SYT7: variants seen among roughly 807,000 people sequenced by gnomAD.
SYT7 encodes the protein synaptotagmin-7.
Under a neutral mutation model 75.1 loss-of-function variants are expected in SYT7, and 29 were observed. The observed-to-expected ratio is 0.39, with a 90% CI of 0.29 to 0.53. SYT7 has a LOEUF of 0.53. Ranked by LOEUF, SYT7 falls within the 20% of genes least tolerant of loss-of-function variation. SYT7 has a pLI of 0.77. For missense variants in SYT7, 693 were observed against 953.2 expected (o/e 0.73, Z 3.59); for synonymous variants, 376 against 401.7 (o/e 0.94, Z 0.76).
At position 61,520,126 on chromosome 11, in the gene SYT7, G is replaced by A. The variant is rs149016549; in HGVS notation, c.1957-1395C>T. ...AAACTGGTCTCACACTCCTGACCTC[G>A]TGATCTGCCCGCCTTGGCCTCCCAA... On this transcript the variant is annotated intron_variant, in intron 12 of 12. Transcript: ENST00000539008. 9.1e-5 allele frequency among the ~76,000 whole-genome samples: 13 copies of A among 143,544 alleles called. No homozygotes were observed. In the East Asian group the frequency reaches 9.7e-4, roughly 11 times the overall value. 94.2% of individuals were successfully genotyped at this position (143,544 alleles called of 152,430 possible).
chr11:61,547,237 T>C lies in SYT7; in HGVS notation c.287A>G (p.Lys96Arg), dbSNP rs1349680690. ...VQQKWSSYPP[K>R]EFILNISPYA... ...GGGTGAAATGTTTAGAATAAACTCCTTGGGAGGGTAGGAGCTCCATTTCTG... is the reference window on the plus strand; with the variant it reads ...GGGTGAAATGTTTAGAATAAACTCCCTGGGAGGGTAGGAGCTCCATTTCTG... Residue 96 changes from lysine to arginine, a missense_variant, in exon 4 of 13, where the codon AAG (lysine) becomes AGG (arginine). Lys to Arg is a conservative substitution (Grantham distance 26). This residue lies in a region of SYT7 where 487 missense variants were observed against 593.2 expected (regional missense o/e 0.82). Coordinates refer to ENST00000539008, the MANE Select transcript of SYT7 (RefSeq NM_001365809.2). 2 of 1,535,726 alleles carry C rather than the reference T, an allele frequency of 1.3e-6. No homozygotes were observed. The highest frequency in any genetic ancestry group is 1.4e-5 in the African/African-American group (1 of 73,020).
chr11:61,539,303 C>A (rs148763379), intron 6 of SYT7, among the ~76,000 whole-genome samples: 1 of 152,082 alleles, frequency 6.6e-6, no homozygotes, highest in Non-Finnish European at 1.5e-5. Flanking sequence ...GGTGTGACAC[C>A]TTTAGTAGGG....
At chr11:61,586,233 C>T in the SYT7 span, among the ~76,000 whole-genome samples, 1 of 152,240 alleles carries the variant, frequency 6.6e-6, no homozygotes, top group African/African-American at 2.4e-5. Flanking sequence ...GGCTCAGCCC[C>T]TCAAATCCCT....
At chr11:61,545,839 T>C (rs189135755) in intron 5 of SYT7, among the ~76,000 whole-genome samples, 192 bp downstream of exon 5, 200 of 152,282 alleles carry the variant, frequency 1.3e-3, no homozygotes, top group African/African-American at 4.6e-3. Flanking sequence ...CTGAAATGCA[T>C]CACTGTATGG....
At chr11:61,529,914 C>T (rs777861998) in intron 8 of SYT7, among the ~76,000 whole-genome samples, 16 of 152,318 alleles carry the variant, frequency 1.1e-4, no homozygotes, top group South Asian at 1.0e-3. Flanking sequence ...AGATTACAGG[C>T]ATGAGCCACA....
At chr11:61,581,235 C>G (rs1297236699), upstream of SYT7, 1 of 146,764 alleles carries the variant, frequency 6.8e-6, no homozygotes, top group Non-Finnish European at 1.5e-5. Context: ...CCGCACTGCA[C>G]CCGCGCCCGC....
chr11:61,581,324 C>T (rs957511816), upstream of SYT7, among the ~76,000 whole-genome samples: 2 of 150,334 alleles, frequency 1.3e-5, no homozygotes, highest in African/African-American at 4.9e-5. Flanking sequence ...GGAGGGCCGC[C>T]GAGCCCCACG....
chr11:61,585,562 G>A (rs971447152), upstream of SYT7, among the ~76,000 whole-genome samples: 1 of 152,156 alleles, frequency 6.6e-6, no homozygotes, highest in Non-Finnish European at 1.5e-5. Flanking sequence ...GTCTGGAGAA[G>A]ATAAAAGTAT....
chr11:61,530,951 C>T, intron 8 of SYT7: 1 of 985,434 alleles, frequency 1.0e-6, no homozygotes, highest in Non-Finnish European at 1.2e-6. Flanking sequence ...AAGCAGCAAG[C>T]CACCCCTATA....
At chr11:61,536,955 A>G (rs2062886910) in intron 7 of SYT7, among the ~76,000 whole-genome samples, 1 of 152,214 alleles carries the variant, frequency 6.6e-6, no homozygotes, top group African/African-American at 2.4e-5. Context: ...CCTCATGAAA[A>G]GCTTAGCATA....
intron 7 of SYT7, among the ~76,000 whole-genome samples, chr11:61,537,127 C>T (rs895782555): frequency 2.0e-5 from 3 of 152,188 alleles, no homozygotes; most frequent in African/African-American, 7.2e-5. Flanking sequence ...GCTGCCAGGC[C>T]CCATGCTCCC....
In SYT7 at chr11:61,542,104, G is replaced by T; in HGVS notation, c.941+107C>A. On this transcript the variant is annotated intron_variant, in intron 6 of 12. Coordinates refer to ENST00000539008, the MANE Select transcript of SYT7 (RefSeq NM_001365809.2). The surrounding 1 kb of genome is among the most constrained non-coding windows in gnomAD (Gnocchi z 7.8). ...AGTCTGCTTGGCACCCTGCCAAGGG[G>T]ATGGAGGGCCGGGAGGTACACACAA... The T allele has an allele frequency of 7.1e-7, 1 of 1,403,572 alleles. No homozygotes were observed. Among genetic ancestry groups the T allele is most frequent in the Admixed American group, 2.5e-5 (1 of 39,450 alleles). 86.9% of individuals were successfully genotyped at this position (1,403,572 alleles called of 1,614,324 possible).
At chr11:61,527,211 G>A (rs549120445) in intron 9 of SYT7, among the ~76,000 whole-genome samples, 37 of 152,190 alleles carry the variant, frequency 2.4e-4, no homozygotes, top group African/African-American at 8.9e-4. Context: ...CGTCCCATGC[G>A]GGGGAGGGGG....
intron 1 of SYT7, among the ~76,000 whole-genome samples, chr11:61,558,531 CACACATAT>C (rs2063560603): frequency 6.7e-6 from 1 of 149,504 alleles, no homozygotes; most frequent in African/African-American, 2.6e-5. Context: ...CACACACACA[CACACATAT>C]ATATATAAAT....
Position 61,523,361 on chromosome 11 carries a change from G to T in SYT7, c.1757-87C>A. 1 of 1,321,430 alleles carries T rather than the reference G, an allele frequency of 7.6e-7. No individual in the cohort carries two copies. The highest frequency in any genetic ancestry group is 1.1e-6 in the Non-Finnish European group (1 of 923,664). The allele number at this position is 1,321,430 out of a possible 1,614,324, so 81.9% of individuals were successfully genotyped here. A position where few individuals can be genotyped will look rare whatever the true frequency, so the allele number is the denominator to read the frequency against. On this transcript the variant is annotated intron_variant, in intron 11 of 12. Coordinates refer to ENST00000539008, the MANE Select transcript of SYT7 (RefSeq NM_001365809.2). This position sits in a 1 kb window ranked among gnomAD's most constrained non-coding sequence, Gnocchi z 5.0. Reference sequence around the variant, plus strand: ...TTCCCCTTCCAGGAATGGAAGCTGAGGCAGGAGGGCCGTGTGCTTTCCCCA... The same window carrying T: ...TTCCCCTTCCAGGAATGGAAGCTGATGCAGGAGGGCCGTGTGCTTTCCCCA...
At chr11:61,585,180 G>C (rs79642799), upstream of SYT7, among the ~76,000 whole-genome samples, 1 of 152,178 alleles carries the variant, frequency 6.6e-6, no homozygotes, top group Non-Finnish European at 1.5e-5. Flanking sequence ...AGGAGGCAGG[G>C]CTCCTGAGTT....
rs146563315 is a variant in SYT7 at position 61,542,439 on chromosome 11, C to A, written c.713G>T (p.Arg238Leu). The part of the protein sequence containing the change: ...QQPLSQHQRG[R>L]QPSQPTTSQS... ...GCTGGTGGTGGGCTGGCTGGGCTGC[C>A]GGCCCCGCTGGTGCTGGCTCAGCGG... Residue 238 changes from arginine (R) to leucine (L), a missense_variant, in exon 6 of 13, where the codon CGG (arginine) becomes CTG (leucine). By Grantham distance (102) the Arg-to-Leu change is moderately radical. Coordinates refer to ENST00000539008, the MANE Select transcript of SYT7 (RefSeq NM_001365809.2). This position sits in a 1 kb window ranked among gnomAD's most constrained non-coding sequence, Gnocchi z 7.8. 8 of 1,532,588 alleles carry A rather than the reference C, an allele frequency of 5.2e-6. No homozygotes were observed. In the Admixed American group the frequency reaches 1.6e-4, roughly 30 times the overall value. 94.9% of individuals were successfully genotyped at this position (1,532,588 alleles called of 1,614,324 possible). A position where few individuals can be genotyped will look rare whatever the true frequency, so the allele number is the denominator to read the frequency against.
In SYT7 at chr11:61,542,130, C is replaced by G. The variant is rs944201507; in HGVS notation, c.941+81G>C. 6.8e-7 allele frequency: 1 copy of G among 1,466,630 alleles called. No individual in the cohort carries two copies. The highest frequency in any genetic ancestry group is 2.3e-5 in the Admixed American group (1 of 43,502). 90.9% of individuals were successfully genotyped at this position (1,466,630 alleles called of 1,614,324 possible). A position where few individuals can be genotyped will look rare whatever the true frequency, so the allele number is the denominator to read the frequency against. Reference sequence around the variant, plus strand: ...ATGGAGGGCCGGGAGGTACACACAACCAGCTGCTCCCAAGGAGATCTGGGG... The same window carrying G: ...ATGGAGGGCCGGGAGGTACACACAAGCAGCTGCTCCCAAGGAGATCTGGGG... On this transcript the variant is annotated intron_variant, in intron 6 of 12. Coordinates refer to ENST00000539008, the MANE Select transcript of SYT7 (RefSeq NM_001365809.2). The surrounding 1 kb of genome is among the most constrained non-coding windows in gnomAD (Gnocchi z 7.8).
chr11:61,524,447 C>T lies in SYT7; in HGVS notation c.1557G>A (p.Gly519=), dbSNP rs779479351. Residue 519 remains glycine (G), a synonymous_variant, in exon 10 of 13, where the codon GGG becomes GGA. Coordinates refer to ENST00000539008, the MANE Select transcript of SYT7 (RefSeq NM_001365809.2). The surrounding 1 kb of genome is among the most constrained non-coding windows in gnomAD (Gnocchi z 4.1). The part of the protein sequence containing the change: ...YDRFSRNDPI[G]EVSIPLNKVD... ...CCTTGTTAAGGGGGATGGACACCTC[C>T]CCAATGGGGTCGTTGCGGCTGAAGC... 6.2e-7 allele frequency: 1 copy of T among 1,613,774 alleles called. No homozygotes were observed. The highest frequency in any genetic ancestry group is 1.1e-5 in the South Asian group (1 of 91,026).
Sources: gnomAD v4.1 joint callset for allele counts (sites outside exome capture counted in the v4.1 genomes callset) on GRCh38, gnomAD v4.1.1 for gene constraint, gnomAD v4.1.1 regional missense constraint, Gnocchi (gnomAD v3.1) non-coding constraint, MANE v1.5 for transcripts, NCBI Gene and HGNC (gene_info 2026-07-23, HGNC 2026-07-21) for gene names.